The following SLC4A4 variants were observed in gnomAD, a reference collection of about 807,000 sequenced individuals.
SLC4A4 encodes the protein electrogenic sodium bicarbonate cotransporter 1.
Under a neutral mutation model 111.5 loss-of-function variants are expected in SLC4A4, and 27 were observed. That is an observed-to-expected ratio of 0.24 (90% CI 0.18 to 0.33). SLC4A4 has a LOEUF of 0.33. SLC4A4 is among the 10% of genes least tolerant of loss of function. The pLI is 1.00. For missense variants in SLC4A4, 909 were observed against 1,315.5 expected, an observed-to-expected ratio of 0.69 and a Z score of 4.78; for synonymous variants, 443 against 463.4, an observed-to-expected ratio of 0.96 and a Z score of 0.57.
intron 1 of SLC4A4, among the ~76,000 whole-genome samples, chr4:71,210,067 T>C (rs1718037935): frequency 6.6e-6 from 1 of 152,218 alleles, no homozygotes; most frequent in Non-Finnish European, 1.5e-5. Flanking sequence ...CCTGCCATGC[T>C]GGCAATGATA....
Position 71,463,288 on chromosome 4 carries a change from T to A in SLC4A4, c.1498-3156T>A, listed in dbSNP as rs78354535. On this transcript the variant is annotated intron_variant, in intron 12 of 25. Transcript: ENST00000264485. ...TTTTAAAAATACACATATCCACACA[T>A]TGTTTTCCTTTTTGTATGAGTGAAC... 0.022 allele frequency among the ~76,000 whole-genome samples: 3,302 copies of A among 152,266 alleles called. 218 individuals carry two copies. The East Asian group carries it at 0.22, about 10-fold the overall frequency.
rs1730353930 is a variant in SLC4A4, at chr4:71,357,118, C to T, written c.661C>T (p.Leu221Phe). The T allele has an allele frequency of 6.2e-7, 1 of 1,614,160 alleles. No individual in the cohort carries two copies. Among genetic ancestry groups the T allele is most frequent in the Non-Finnish European group, 8.5e-7 (1 of 1,180,032 alleles). The change falls in exon 6 of 26, where the codon CTT becomes TTT. Residue 221 changes from leucine (L) to phenylalanine (F), a missense_variant. Coordinates refer to ENST00000264485, the MANE Select transcript of SLC4A4 (RefSeq NM_001098484.3). ...KHRHQTKKSN[L>F]RSLADIGKTV... Reference sequence around the variant, plus strand: ...CCGGCATCAAACCAAGAAATCCAACCTTCGGTCCCTGGCTGACATTGGGAA... The same window carrying T: ...CCGGCATCAAACCAAGAAATCCAACTTTCGGTCCCTGGCTGACATTGGGAA...
intron 2 of SLC4A4, among the ~76,000 whole-genome samples, chr4:71,137,933 T>C (rs1294708939): frequency 6.6e-6 from 1 of 152,252 alleles, no homozygotes; most frequent in African/African-American, 2.4e-5. Flanking sequence ...GAGAGGTTTC[T>C]AACACACAGA....
intron 14 of SLC4A4, chr4:71,473,424 A>G (rs575567380): frequency 7.3e-6 from 2 of 273,252 alleles, no homozygotes; most frequent in Admixed American, 4.8e-5. Flanking sequence ...TCCACTTCAG[A>G]TAATTTAAAG....
intron 7 of SLC4A4, among the ~76,000 whole-genome samples, chr4:71,420,592 C>T (rs780410797): frequency 2.8e-4 from 42 of 152,090 alleles, no homozygotes; most frequent in Non-Finnish European, 4.6e-4. Flanking sequence ...AGAGAAAGGT[C>T]GGGTTACTCA....
At chr4:71,510,211 A>G (rs1425197889) in intron 16 of SLC4A4, among the ~76,000 whole-genome samples, 1 of 152,136 alleles carries the variant, frequency 6.6e-6, no homozygotes, top group Non-Finnish European at 1.5e-5. Flanking sequence ...ATCTTCCTTG[A>G]TTCTGAGCCA....
At chr4:71,154,376 A>G (rs1255883655) in intron 2 of SLC4A4, among the ~76,000 whole-genome samples, 1 of 152,182 alleles carries the variant, frequency 6.6e-6, no homozygotes, top group Non-Finnish European at 1.5e-5. Flanking sequence ...TCATTGGAAG[A>G]AAGTAGAGAG....
intron 7 of SLC4A4, among the ~76,000 whole-genome samples, chr4:71,412,073 G>T (rs1488339091): frequency 6.6e-6 from 1 of 152,176 alleles, no homozygotes; most frequent in East Asian, 1.9e-4. Flanking sequence ...ACACAAAACT[G>T]CCATCTAAAA....
At chr4:71,191,953 T>A (rs1384257696) in intron 1 of SLC4A4, among the ~76,000 whole-genome samples, 1 of 152,138 alleles carries the variant, frequency 6.6e-6, no homozygotes, top group African/African-American at 2.4e-5. Flanking sequence ...CCTAGTATGC[T>A]TTTTTGGGGA....
At chr4:71,126,863 C>A (rs1408971727) in intron 2 of SLC4A4, among the ~76,000 whole-genome samples, 2 of 152,174 alleles carry the variant, frequency 1.3e-5, no homozygotes, top group Non-Finnish European at 2.9e-5. Flanking sequence ...GTTCTGCATG[C>A]CATAGAACAC....
At chr4:71,466,993 T>C (rs1335251084) in intron 13 of SLC4A4, among the ~76,000 whole-genome samples, 2 of 146,166 alleles carry the variant, frequency 1.4e-5, no homozygotes, top group Non-Finnish European at 3.0e-5. Flanking sequence ...TGAGTATGTC[T>C]GCCTTTCCCC....
chr4:71,354,994 C>A (rs1730158971), intron 5 of SLC4A4, among the ~76,000 whole-genome samples: 1 of 152,162 alleles, frequency 6.6e-6, no homozygotes, highest in Non-Finnish European at 1.5e-5. Context: ...TGTTACTGCC[C>A]CCACTTTCCT....
chr4:71,123,074 GA>G (rs1285793165), intron 2 of SLC4A4, among the ~76,000 whole-genome samples: 1 of 152,110 alleles, frequency 6.6e-6, no homozygotes, highest in Non-Finnish European at 1.5e-5. Context: ...CAATACCTGC[GA>G]AAAGCAACAG....
At chr4:71,252,595 C>A (rs1578680975) in intron 2 of SLC4A4, among the ~76,000 whole-genome samples, 1 of 152,184 alleles carries the variant, frequency 6.6e-6, no homozygotes, top group African/African-American at 2.4e-5. Context: ...AAGGCAATAT[C>A]TTCCTCATCC....
At position 71,534,323 on chromosome 4, in the gene SLC4A4, A is replaced by C. The variant is rs766350949; in HGVS notation, c.2377A>C (p.Ile793Leu). 2 of 1,613,498 alleles carry C rather than the reference A, an allele frequency of 1.2e-6. No individual in the cohort carries two copies. The highest frequency in any genetic ancestry group is 1.7e-5 in the Admixed American group (1 of 59,928). The change falls in exon 18 of 26, where the codon ATA becomes CTA. Residue 793 changes from isoleucine (I) to leucine (L), a missense_variant. Physicochemically the swap from Ile to Leu is conservative, Grantham distance 5. Around this residue, in one of 7 missense-constraint regions of SLC4A4, gnomAD observed 264 missense variants for 356.8 expected, o/e 0.74. Transcript: ENST00000264485. ...AAAIPALLVTILIFMDQQITA... is the reference protein window; with the variant it reads ...AAAIPALLVTLLIFMDQQITA... ...TGCTATCCCGGCTTTGTTGGTCACT[A>C]TACTGATTTTCATGGACCAACAAAT... is the stretch of plus-strand genomic sequence containing the variant.
intron 3 of SLC4A4, among the ~76,000 whole-genome samples, chr4:71,268,553 T>G (rs1722472394): frequency 6.6e-6 from 1 of 152,178 alleles, no homozygotes; most frequent in Non-Finnish European, 1.5e-5. Flanking sequence ...CAAAGGGAGA[T>G]TTTCTTTAGC....
intron 1 of SLC4A4, among the ~76,000 whole-genome samples, chr4:71,205,490 T>C (rs1341400794): frequency 6.6e-6 from 1 of 152,192 alleles, no homozygotes; most frequent in Non-Finnish European, 1.5e-5. Flanking sequence ...ATCATGAAGT[T>C]TGAGACCCAC....
At chr4:71,421,440 T>C (rs1363948542) in intron 7 of SLC4A4, among the ~76,000 whole-genome samples, 2 of 152,036 alleles carry the variant, frequency 1.3e-5, no homozygotes, top group Non-Finnish European at 2.9e-5. Flanking sequence ...GACAGAAAGT[T>C]AACAAGGATA....
intron 3 of SLC4A4, among the ~76,000 whole-genome samples, chr4:71,317,582 T>C (rs767640239): frequency 6.6e-6 from 1 of 152,122 alleles, no homozygotes; most frequent in Non-Finnish European, 1.5e-5. Context: ...ACAAGCATTG[T>C]TATTATCAAG....
Sources: allele counts gnomAD v4.1 joint callset (sites outside exome capture counted in the v4.1 genomes callset), GRCh38; gene constraint gnomAD v4.1.1; regional missense constraint gnomAD v4.1.1; transcripts MANE v1.5; gene names NCBI Gene and HGNC (gene_info 2026-07-23, HGNC 2026-07-21).